PDE1C: variants seen among roughly 807,000 people sequenced by gnomAD.
The protein encoded by PDE1C is phosphodiesterase 1C.
PDE1C carries 62 observed loss-of-function variants against 93.1 expected under a neutral mutation model. That is an observed-to-expected ratio of 0.67 (90% CI 0.54 to 0.82). The LOEUF (loss-of-function observed/expected upper bound fraction) is 0.82. Ranked by LOEUF, PDE1C falls within the 40% of genes least tolerant of loss-of-function variation. PDE1C has a pLI of 0.00. For synonymous variants in PDE1C, 325 were observed against 310.1 expected, an observed-to-expected ratio of 1.05 and a Z score of -0.50; for missense variants, 742 against 884.6, an observed-to-expected ratio of 0.84 and a Z score of 2.04.
chr7:31,982,596 G>A (rs964877464), intron 2 of PDE1C, among the ~76,000 whole-genome samples: 1 of 151,824 alleles, frequency 6.6e-6, no homozygotes, highest in African/African-American at 2.4e-5. Flanking sequence ...CTCTCAGTTT[G>A]GGAAAATCTG....
chr7:32,214,232 A>AT (rs1261918249), intron 1 of PDE1C, among the ~76,000 whole-genome samples: 95 of 149,396 alleles, frequency 6.4e-4, no homozygotes, highest in Non-Finnish European at 7.8e-4. Flanking sequence ...TATATATATA[A>AT]AATATGTTTT....
At chr7:31,934,949 T>C (rs1458828758) in intron 2 of PDE1C, among the ~76,000 whole-genome samples, 1 of 152,260 alleles carries the variant, frequency 6.6e-6, no homozygotes. Context: ...TGAGTGATTA[T>C]GTTCCAATTT....
the PDE1C span, among the ~76,000 whole-genome samples, chr7:31,633,048 A>G: frequency 6.6e-6 from 1 of 151,852 alleles, no homozygotes; most frequent in African/African-American, 2.4e-5. Flanking sequence ...CATCATGCCC[A>G]GCTAATTTTT....
rs546928063 is a variant in PDE1C, at chr7:31,934,315, C to A, written c.129-53455G>T. 1.8e-3 allele frequency among the ~76,000 whole-genome samples: 273 copies of A among 152,268 alleles called. 1 individual carries two copies. The highest frequency in any genetic ancestry group is 6.2e-3 in the African/African-American group (256 of 41,578). ...GATTCAGTTTTTTAAAATGTGCCCA[C>A]TAGAATTCAAACTTTATGACATAGC... On this transcript the variant is annotated intron_variant, in intron 2 of 17. Transcript: ENST00000396191.
intron 2 of PDE1C, among the ~76,000 whole-genome samples, chr7:31,935,838 A>G (rs959962142): frequency 1.3e-5 from 2 of 150,698 alleles, no homozygotes; most frequent in Admixed American, 6.6e-5. Flanking sequence ...GCAGCAGCTG[A>G]AAGGAAAGGA....
chr7:32,300,321 G>A (rs759173317), upstream of PDE1C, among the ~76,000 whole-genome samples: 28 of 152,190 alleles, frequency 1.8e-4, no homozygotes, highest in African/African-American at 6.8e-4. Context: ...ACATTCACAT[G>A]GTCTGGTTAG....
chr7:31,622,855 C>T, the PDE1C span, among the ~76,000 whole-genome samples: 28 of 152,054 alleles, frequency 1.8e-4, no homozygotes, highest in South Asian at 8.3e-4. Context: ...ATTGATAGAC[C>T]GCTAGCAAGA....
chr7:32,395,552 CT>C (rs540702621), intron 1 of PDE1C, among the ~76,000 whole-genome samples: 58 of 152,294 alleles, frequency 3.8e-4, no homozygotes, highest in African/African-American at 1.3e-3. Context: ...TGGGCTTAGA[CT>C]GTTGATCTTC....
intron 11 of PDE1C, among the ~76,000 whole-genome samples, chr7:31,832,837 A>C (rs1458782853): frequency 6.6e-6 from 1 of 152,226 alleles, no homozygotes; most frequent in African/African-American, 2.4e-5. Context: ...AAAAATGTTC[A>C]TATGTTTAAG....
intron 2 of PDE1C, among the ~76,000 whole-genome samples, chr7:32,018,700 G>A (rs1342088803): frequency 6.6e-6 from 1 of 152,116 alleles, no homozygotes; most frequent in African/African-American, 2.4e-5. Flanking sequence ...GTACTAATAA[G>A]TACAGGATTT....
chr7:32,095,755 G>T (rs944865904), intron 3 of PDE1C, among the ~76,000 whole-genome samples: 2 of 152,144 alleles, frequency 1.3e-5, no homozygotes, highest in South Asian at 4.1e-4. Flanking sequence ...GAGAAACAGG[G>T]TGCCTCACAC....
At chr7:31,741,061 CAAA>C in the PDE1C span, among the ~76,000 whole-genome samples, 4 of 144,424 alleles carry the variant, frequency 2.8e-5, no homozygotes, top group Admixed American at 6.9e-5. Context: ...GACCCTGTCT[CAAA>C]AAAAAAAAAA....
At chr7:32,145,970 C>A (rs757350965) in intron 3 of PDE1C, among the ~76,000 whole-genome samples, 1 of 151,944 alleles carries the variant, frequency 6.6e-6, no homozygotes, top group Non-Finnish European at 1.5e-5. Context: ...TATCTGCGGG[C>A]CTTTAGATTT....
intron 1 of PDE1C, among the ~76,000 whole-genome samples, chr7:32,397,350 G>T (rs1038234749): frequency 1.3e-5 from 2 of 151,984 alleles, no homozygotes; most frequent in African/African-American, 4.8e-5. Context: ...ATAATTTTTT[G>T]ATGCAAACTA....
At chr7:32,188,230 TA>T (rs907843867) in intron 2 of PDE1C, among the ~76,000 whole-genome samples, 7 of 151,480 alleles carry the variant, frequency 4.6e-5, no homozygotes, top group African/African-American at 9.7e-5. Flanking sequence ...GGGATTTTAC[TA>T]AAAAAAATTA....
At chr7:31,874,569 A>G (rs1387900424) in intron 5 of PDE1C, among the ~76,000 whole-genome samples, 1 of 152,222 alleles carries the variant, frequency 6.6e-6, no homozygotes, top group Non-Finnish European at 1.5e-5. Flanking sequence ...AAACATTCCA[A>G]CTGTCAAATT....
At chr7:31,836,500 A>G (rs1276754745) in intron 11 of PDE1C, among the ~76,000 whole-genome samples, 1 of 151,966 alleles carries the variant, frequency 6.6e-6, no homozygotes, top group African/African-American at 2.4e-5. Context: ...ACGCCCGGCT[A>G]ATTTTTGTAT....
chr7:32,248,081 T>C (rs1211887431), intron 1 of PDE1C, among the ~76,000 whole-genome samples: 1 of 152,198 alleles, frequency 6.6e-6, no homozygotes, highest in East Asian at 1.9e-4. Context: ...AAGTAAGACA[T>C]GTTGCCATTC....
intron 1 of PDE1C, among the ~76,000 whole-genome samples, chr7:32,283,725 C>A (rs143414542): frequency 6.6e-6 from 1 of 152,178 alleles, no homozygotes; most frequent in Admixed American, 6.5e-5. Flanking sequence ...GTGACTTCAA[C>A]GGTCCCGTCC....
Sources: allele counts gnomAD v4.1 joint callset (sites outside exome capture counted in the v4.1 genomes callset), GRCh38; gene constraint gnomAD v4.1.1; transcripts MANE v1.5; gene names NCBI Gene and HGNC (gene_info 2026-07-23, HGNC 2026-07-21).